PEAK3: variants seen among roughly 807,000 people sequenced by gnomAD.
PEAK3 encodes the protein PEAK family member 3.
PEAK3 carries 15 observed loss-of-function variants against 13.3 expected under a neutral mutation model. The observed-to-expected ratio is 1.13, with a 90% CI of 0.75 to 1.73. The LOEUF (loss-of-function observed/expected upper bound fraction) is 1.73. PEAK3 is among the 40% of genes most tolerant of loss of function. The pLI is 0.00. For missense variants in PEAK3, 739 were observed against 690.2 expected (o/e 1.07, Z -0.79); for synonymous variants, 347 against 341.9 (o/e 1.01, Z -0.17).
chr19:2,279,247 G>T, intron 2 of PEAK3, 134 bp from the exon 3 acceptor site: 1 of 719,934 alleles, frequency 1.4e-6, no homozygotes, highest in Non-Finnish European at 2.0e-6. Flanking sequence ...GCTCATGCTT[G>T]TAATCCCAGC....
intron 3 of PEAK3, 71 bp from the exon 4 acceptor site, chr19:2,276,560 C>T: frequency 3.7e-6 from 5 of 1,341,684 alleles, no homozygotes; most frequent in Non-Finnish European, 3.0e-6. Context: ...CCCAGTGCTA[C>T]CTGCCCCGAA....
At position 2,279,107 on chromosome 19, in the gene PEAK3, A is replaced by T. The variant is rs750798922; in HGVS notation, c.89T>A (p.Ile30Asn). Residue 30 changes from isoleucine to asparagine, a missense_variant, in exon 3 of 4, where the codon ATC becomes AAC. By Grantham distance (149) the Ile-to-Asn change is moderately radical. Transcript: ENST00000342063. ...TQPTYSNLGQ[I>N]RAHLLPSKAC... ...CTTGGAGGGCAGCAGGTGGGCACGG[A>T]TCTGACCTGCAGGGAGAGACAGTGG... The T allele has an allele frequency of 1.4e-6, 2 of 1,446,456 alleles. No individual in the cohort carries two copies. The highest frequency in any genetic ancestry group is 2.9e-5 in the South Asian group (2 of 67,814). The allele number at this position is 1,446,456 out of a possible 1,614,324, so 89.6% of individuals were successfully genotyped here.
rs960296863 is a variant in PEAK3, at chr19:2,275,784, C to T, written c.1318G>A (p.Ala440Thr). 3.2e-6 allele frequency: 5 copies of T among 1,572,808 alleles called. No homozygotes were observed. The highest frequency in any genetic ancestry group is 3.6e-5 in the Admixed American group (2 of 56,100). The change falls in exon 4 of 4, where the codon GCA becomes ACA. Residue 440 changes from alanine (A) to threonine (T), a missense_variant. Coordinates refer to ENST00000342063, the MANE Select transcript of PEAK3 (RefSeq NM_198532.3). ...LLVLRLAERA[A>T]GGEAPSLEDW... Reference sequence around the variant, plus strand: ...TCGAGGCTGGGAGCTTCCCCACCTGCGGCCCGCTCTGCTAGGCGCAGGACC... The same window carrying T: ...TCGAGGCTGGGAGCTTCCCCACCTGTGGCCCGCTCTGCTAGGCGCAGGACC...
In PEAK3 at chr19:2,274,755, G is replaced by A. The variant is rs2025366400; in HGVS notation, c.*925C>T. ...TGGGAGGCCGAGGCGGACGGATCAC[G>A]AGGTCAGGAGATGGAGACCATCCTG... On this transcript the variant is annotated 3_prime_UTR_variant, in exon 4 of 4. Transcript: ENST00000342063. The A allele has an allele frequency of 2.0e-5, 3 of 151,112 alleles. No individual in the cohort carries two copies. The highest frequency in any genetic ancestry group is 7.3e-5 in the African/African-American group (3 of 41,316). The allele number at this position is 151,112 out of a possible 1,614,324, so 9.4% of individuals were successfully genotyped here.
At chr19:2,282,065 C>G (rs1290672197) in intron 1 of PEAK3, 22 bp downstream of exon 1, 2 of 152,668 alleles carry the variant, frequency 1.3e-5, no homozygotes, top group African/African-American at 2.4e-5. Context: ...CTGTCCAGCT[C>G]CCCGCTCCAG....
intron 3 of PEAK3, among the ~76,000 whole-genome samples, chr19:2,277,001 G>A (rs1020031784): frequency 6.6e-6 from 1 of 152,096 alleles, no homozygotes; most frequent in African/African-American, 2.4e-5. Context: ...AACAGAGTGA[G>A]ACTCTGTCTC....
chr19:2,276,018 G>C lies in PEAK3; in HGVS notation c.1084C>G (p.Leu362Val). 7.0e-7 allele frequency: 1 copy of C among 1,425,420 alleles called. No homozygotes were observed. The highest frequency in any genetic ancestry group is 9.1e-7 in the Non-Finnish European group (1 of 1,094,382). 88.3% of individuals were successfully genotyped at this position (1,425,420 alleles called of 1,614,324 possible). The change falls in exon 4 of 4, where the codon CTT becomes GTT. Residue 362 changes from leucine to valine, a missense_variant. Leu to Val is a conservative substitution (Grantham distance 32). Transcript: ENST00000342063. Reference sequence around the variant, plus strand: ...AAAGGCGTGGTCGAGGGCGCAGCAAGGCTGAGCAGCGCTCGGAGGAGGCTG... The same window carrying C: ...AAAGGCGTGGTCGAGGGCGCAGCAACGCTGAGCAGCGCTCGGAGGAGGCTG... ...LGSLLRALLSLAAPSTTPLAA... is the reference protein window; with the variant it reads ...LGSLLRALLSVAAPSTTPLAA...
chr19:2,276,444 G>C lies in PEAK3; in HGVS notation c.658C>G (p.Leu220Val). The change falls in exon 4 of 4, where the codon CTG becomes GTG. Residue 220 changes from leucine to valine, a missense_variant. Coordinates refer to ENST00000342063, the MANE Select transcript of PEAK3 (RefSeq NM_198532.3). ...ADVPHPWGLELQASLSPHFNL... is the reference protein window; with the variant it reads ...ADVPHPWGLEVQASLSPHFNL... ...AAGTGTGGAGACAGGGAGGCCTGCA[G>C]CTCCAGGCCCCACGGGTGGGGCACG... 6.3e-7 allele frequency: 1 copy of C among 1,583,314 alleles called. No homozygotes were observed. Among genetic ancestry groups the C allele is most frequent in the South Asian group, 1.1e-5 (1 of 89,902 alleles).
chr19:2,280,419 A>T (rs910725399), intron 2 of PEAK3, among the ~76,000 whole-genome samples: 3 of 151,756 alleles, frequency 2.0e-5, no homozygotes, highest in Non-Finnish European at 2.9e-5. Context: ...TTCATGGCTC[A>T]CTGCAGCCTT....
Position 2,280,900 on chromosome 19 carries a change from G to A in PEAK3, c.32C>T (p.Pro11Leu), listed in dbSNP as rs766208559. Reference protein sequence around the residue: MSSPEPPTEPPEPDNPTWSTQ... With the variant: MSSPEPPTEPLEPDNPTWSTQ... ...CGACCAGGTGGGGTTGTCGGGCTCG[G>A]GGGGCTCTGTGGGGGGCTCCGGGCT... is the stretch of plus-strand genomic sequence containing the variant. Residue 11 changes from proline (P) to leucine (L), a missense_variant, in exon 2 of 4, where the codon CCC (proline) becomes CTC (leucine). Pro to Leu is a moderately conservative substitution (Grantham distance 98). Transcript: ENST00000342063. 1.9e-5 allele frequency: 30 copies of A among 1,593,196 alleles called. No homozygotes were observed. Among genetic ancestry groups the A allele is most frequent in the Non-Finnish European group, 2.3e-5 (27 of 1,169,812 alleles).
At chr19:2,280,456 C>T (rs1053786526) in intron 2 of PEAK3, among the ~76,000 whole-genome samples, 1 of 152,028 alleles carries the variant, frequency 6.6e-6, no homozygotes, top group African/African-American at 2.4e-5. Context: ...GGGATCCTCC[C>T]ACCTCAGCTT....
At position 2,278,620 on chromosome 19, in the gene PEAK3, G is replaced by GC. The variant is rs774934068; in HGVS notation, c.575dup (p.Ala193ArgfsTer47). 1 of 1,495,584 alleles carries GC rather than the reference G, an allele frequency of 6.7e-7. No homozygotes were observed. The highest frequency in any genetic ancestry group is 8.9e-7 in the Non-Finnish European group (1 of 1,122,202). The allele number at this position is 1,495,584 out of a possible 1,614,324, so 92.6% of individuals were successfully genotyped here. The stretch of plus-strand genomic sequence containing the variant: ...GGATGTGCCAGGCGTCCTCGTGCGC[G>GC]CGCACCACGCGGTAATACAGGGCGT... On this transcript the variant is annotated frameshift_variant, in exon 3 of 4. Coordinates refer to ENST00000342063, the MANE Select transcript of PEAK3 (RefSeq NM_198532.3). LOFTEE classifies it low-confidence loss of function (END_TRUNC).
At position 2,276,178 on chromosome 19, in the gene PEAK3, C is replaced by G; in HGVS notation, c.924G>C (p.Glu308Asp). The G allele has an allele frequency of 6.5e-7, 1 of 1,549,624 alleles. No individual in the cohort carries two copies. Among genetic ancestry groups the G allele is most frequent in the Non-Finnish European group, 8.7e-7 (1 of 1,149,312 alleles). Residue 308 changes from glutamate to aspartate, a missense_variant, in exon 4 of 4, where the codon GAG (glutamate) becomes GAC (aspartate). Transcript: ENST00000342063. ...CCCGAGGTGCCACCAGCAGCAAGTT[C>G]TCCGGCCGCAACTCGACTAGGGCCG... is the stretch of plus-strand genomic sequence containing the variant. ...WGAALVELRP[E>D]NLLLVAPRGC...
At chr19:2,279,438 C>CCT (rs916345093) in intron 2 of PEAK3, among the ~76,000 whole-genome samples, 5 of 152,072 alleles carry the variant, frequency 3.3e-5, no homozygotes, top group Non-Finnish European at 7.4e-5. Context: ...GGGTGGATCA[C>CCT]GAGGTCAGGA....
chr19:2,276,155 C>G lies in PEAK3; in HGVS notation c.947G>C (p.Arg316Pro). 6.5e-7 allele frequency: 1 copy of G among 1,545,678 alleles called. No homozygotes were observed. Among genetic ancestry groups the G allele is most frequent in the Non-Finnish European group, 8.7e-7 (1 of 1,146,724 alleles). ...TGGGGGCCCCGTCGTCGCACAGCCC[C>G]GAGGTGCCACCAGCAGCAAGTTCTC... ...RPENLLLVAP[R>P]GCATTGPPRL... is the part of the protein sequence containing the mutation. Residue 316 changes from arginine (R) to proline (P), a missense_variant, in exon 4 of 4, where the codon CGG (arginine) becomes CCG (proline). By Grantham distance (103) the Arg-to-Pro change is moderately radical. Coordinates refer to ENST00000342063, the MANE Select transcript of PEAK3 (RefSeq NM_198532.3).
intron 2 of PEAK3, among the ~76,000 whole-genome samples, chr19:2,279,391 T>A (rs1036601001): frequency 1.1e-4 from 17 of 152,108 alleles, no homozygotes; most frequent in Non-Finnish European, 1.0e-4. Flanking sequence ...GCACAATGGC[T>A]CATGCCTGTA....
chr19:2,276,596 C>T, intron 3 of PEAK3, 107 bp from the exon 4 acceptor site: 1 of 955,480 alleles, frequency 1.0e-6, no homozygotes. Context: ...CCCCAAACTG[C>T]CCCCACTACG....
intron 3 of PEAK3, among the ~76,000 whole-genome samples, chr19:2,277,243 TG>T (rs1263443115): frequency 3.3e-5 from 5 of 152,136 alleles, no homozygotes; most frequent in African/African-American, 1.2e-4. Flanking sequence ...TGGGGTCTGG[TG>T]GGAGGCGACT....
At chr19:2,279,444 CAGG>C (rs2025421795) in intron 2 of PEAK3, among the ~76,000 whole-genome samples, 1 of 152,074 alleles carries the variant, frequency 6.6e-6, no homozygotes, top group Non-Finnish European at 1.5e-5. Flanking sequence ...ATCACGAGGT[CAGG>C]AGATCGAGAC....
Sources: gnomAD v4.1 joint callset for allele counts (sites outside exome capture counted in the v4.1 genomes callset) on GRCh38, gnomAD v4.1.1 for gene constraint, MANE v1.5 for transcripts, NCBI Gene and HGNC (gene_info 2026-07-23, HGNC 2026-07-21) for gene names.